AP3B1: variants seen among roughly 807,000 people sequenced by gnomAD.
The protein encoded by AP3B1 is AP-3 complex subunit beta-1.
AP3B1 carries 61 observed loss-of-function variants against 132.5 expected under a neutral mutation model. That is an observed-to-expected ratio of 0.46 (90% confidence interval 0.37 to 0.57). The LOEUF is 0.57. Ranked by LOEUF, AP3B1 falls within the 20% of genes least tolerant of loss-of-function variation. The probability of loss-of-function intolerance (pLI) is 0.00; values close to 1 mark genes in which losing one functional copy is unlikely to be tolerated. For missense variants in AP3B1, 1,120 were observed against 1,289.4 expected (o/e 0.87, Z 2.01); for synonymous variants, 388 against 438.3 (o/e 0.89, Z 1.43).
chr5:78,261,685 C>G (rs1446838274), intron 2 of AP3B1, among the ~76,000 whole-genome samples: 2 of 151,072 alleles, frequency 1.3e-5, no homozygotes, highest in African/African-American at 4.9e-5. Flanking sequence ...AGGCTGGTCT[C>G]GAACTCCTGA....
In AP3B1 at chr5:78,114,357, G is replaced by A. The variant is rs559687571; in HGVS notation, c.2078-434C>T. On this transcript the variant is annotated intron_variant, in intron 18 of 26. Coordinates refer to ENST00000255194, the MANE Select transcript of AP3B1 (RefSeq NM_003664.5). ...GAAGGCAACAGTTGAATCTTCTTAG[G>A]AACAAATTTTGAGAGGAAAATGAGC... 3.1e-3 allele frequency among the ~76,000 whole-genome samples: 472 copies of A among 152,078 alleles called. 1 individual carries two copies. Among genetic ancestry groups the A allele is most frequent in the African/African-American group, 0.011 (442 of 41,488 alleles).
At chr5:78,018,558 T>G (rs1183675599) in intron 25 of AP3B1, among the ~76,000 whole-genome samples, 1 of 151,994 alleles carries the variant, frequency 6.6e-6, no homozygotes, top group East Asian at 1.9e-4. Flanking sequence ...TCAGTTAAAT[T>G]TAATTAACAC....
chr5:78,275,522 T>C (rs1036436519), intron 1 of AP3B1, among the ~76,000 whole-genome samples: 3 of 152,088 alleles, frequency 2.0e-5, no homozygotes, highest in African/African-American at 7.2e-5. Flanking sequence ...TGTCACCAGG[T>C]TGGAGTGCAG....
chr5:78,027,764 A>G lies in AP3B1; in HGVS notation c.2894+6597T>C, dbSNP rs568175457. Among the ~76,000 whole-genome samples the G allele has an allele frequency of 6.6e-5, 10 of 152,218 alleles. No homozygotes were observed. In the South Asian group the frequency reaches 1.9e-3, roughly 28 times the overall value. Reference sequence around the variant, plus strand: ...TTTTTCTCTCTACATAAGTATTTGTACCACCTTTCTAAACTCATTAGTTTA... The same window carrying G: ...TTTTTCTCTCTACATAAGTATTTGTGCCACCTTTCTAAACTCATTAGTTTA... On this transcript the variant is annotated intron_variant, in intron 24 of 26. Transcript: ENST00000255194.
intron 1 of AP3B1, among the ~76,000 whole-genome samples, chr5:78,291,420 G>GAAAAAAAAAAAAAAA (rs5868911): frequency 3.3e-4 from 28 of 85,704 alleles, no homozygotes; most frequent in Middle Eastern, 0.01. Context: ...CAGATAATTT[G>GAAAAAAAAAAAAAAA]AAAAAAAAAA....
intron 2 of AP3B1, among the ~76,000 whole-genome samples, chr5:78,245,077 A>G (rs1219752511): frequency 6.6e-6 from 1 of 152,080 alleles, no homozygotes; most frequent in Non-Finnish European, 1.5e-5. Flanking sequence ...CGGTGGCAAC[A>G]AAGGATTGAG....
intron 1 of AP3B1, among the ~76,000 whole-genome samples, chr5:78,277,536 C>T (rs1212585927): frequency 6.6e-6 from 1 of 152,100 alleles, no homozygotes; most frequent in African/African-American, 2.4e-5. Flanking sequence ...TGGGTGATCA[C>T]AAAAGACCTC....
At chr5:78,260,307 C>G (rs1200472531) in intron 2 of AP3B1, among the ~76,000 whole-genome samples, 3 of 152,100 alleles carry the variant, frequency 2.0e-5, no homozygotes, top group Non-Finnish European at 4.4e-5. Context: ...TGAGGAGGGG[C>G]CGGGCGTGGT....
At chr5:78,264,009 G>C (rs1748213592) in intron 2 of AP3B1, among the ~76,000 whole-genome samples, 1 of 152,062 alleles carries the variant, frequency 6.6e-6, no homozygotes, top group Non-Finnish European at 1.5e-5. Context: ...TTATAGCCTA[G>C]GAAGAATAGA....
At chr5:78,123,228 T>C (rs2112286880) in intron 17 of AP3B1, among the ~76,000 whole-genome samples, 1 of 152,312 alleles carries the variant, frequency 6.6e-6, no homozygotes, top group Non-Finnish European at 1.5e-5. Context: ...ATGTTAGATC[T>C]AAAACCATAA....
chr5:78,069,031 A>G (rs1749418289), intron 22 of AP3B1, among the ~76,000 whole-genome samples: 2 of 152,250 alleles, frequency 1.3e-5, no homozygotes, highest in African/African-American at 4.8e-5. Flanking sequence ...ATAGATGCAG[A>G]AAAGGCCTTT....
chr5:78,138,250 G>A, intron 15 of AP3B1, among the ~76,000 whole-genome samples: 1 of 152,106 alleles, frequency 6.6e-6, no homozygotes. Context: ...CGGATCACTT[G>A]AGGTCATGAG....
intron 11 of AP3B1, among the ~76,000 whole-genome samples, chr5:78,166,814 A>T (rs1743654783): frequency 6.6e-6 from 1 of 152,210 alleles, no homozygotes; most frequent in Non-Finnish European, 1.5e-5. Flanking sequence ...ATGAAACTGG[A>T]TCCTCATCTC....
chr5:78,164,950 T>C (rs746880158), intron 12 of AP3B1, among the ~76,000 whole-genome samples: 1 of 152,234 alleles, frequency 6.6e-6, no homozygotes, highest in East Asian at 1.9e-4. Context: ...AGAAAACAGA[T>C]AGTGGAATAT....
downstream of AP3B1, chr5:78,001,493 A>G (rs1746202603): frequency 6.6e-6 from 1 of 151,586 alleles, no homozygotes; most frequent in South Asian, 2.1e-4. Context: ...GCTTCTGTAC[A>G]TTGCACTTCT....
chr5:78,175,506 C>G, intron 11 of AP3B1, 120 bp downstream of exon 11: 1 of 728,846 alleles, frequency 1.4e-6, no homozygotes, highest in Non-Finnish European at 2.4e-6. Flanking sequence ...AAAGAAAAAC[C>G]ATTAACTTTA....
At chr5:78,055,262 G>A (rs780414622) in intron 22 of AP3B1, among the ~76,000 whole-genome samples, 8 of 152,170 alleles carry the variant, frequency 5.3e-5, no homozygotes, top group Non-Finnish European at 1.2e-4. Context: ...GGTCTTCTCA[G>A]GCTATACGTA....
chr5:78,238,231 C>G (rs750465997), intron 3 of AP3B1, among the ~76,000 whole-genome samples: 4 of 152,146 alleles, frequency 2.6e-5, no homozygotes, highest in Non-Finnish European at 5.9e-5. Flanking sequence ...GCTGCGTGCT[C>G]CTTATGAGAA....
Position 78,002,656 on chromosome 5 carries a change from T to G in AP3B1, c.*246A>C. On this transcript the variant is annotated 3_prime_UTR_variant, in exon 27 of 27. Coordinates refer to ENST00000255194, the MANE Select transcript of AP3B1 (RefSeq NM_003664.5). ...GCAGCAGGACAGAGAAAACGCCACA[T>G]GGATTCAAGAGTTGAGACAACTGAC... is the stretch of plus-strand genomic sequence containing the variant. 1 of 604,220 alleles carries G rather than the reference T, an allele frequency of 1.7e-6. No individual in the cohort carries two copies. The highest frequency in any genetic ancestry group is 2.0e-5 in the South Asian group (1 of 49,294). The allele number at this position is 604,220 out of a possible 1,614,324, so 37.4% of individuals were successfully genotyped here.
Sources: gnomAD v4.1 joint callset for allele counts (sites outside exome capture counted in the v4.1 genomes callset) on GRCh38, gnomAD v4.1.1 for gene constraint, MANE v1.5 for transcripts, NCBI Gene and HGNC (gene_info 2026-07-23, HGNC 2026-07-21) for gene names.